The following WDR53 variants were observed in gnomAD, a reference collection of about 807,000 sequenced individuals.
WDR53 encodes the protein WD repeat-containing protein 53.
In WDR53, 19 loss-of-function variants were observed where a neutral mutation model predicts 21.3. The ratio of observed to expected loss-of-function variants is 0.89; its 90% CI spans 0.62 to 1.31. The LOEUF (loss-of-function observed/expected upper bound fraction) is 1.31. Ranked by LOEUF, WDR53 falls within the 50% of genes most tolerant of loss-of-function variation. The probability of loss-of-function intolerance (pLI) is 0.00; values close to 1 mark genes in which losing one functional copy is unlikely to be tolerated. For synonymous variants in WDR53, 157 were observed against 163.4 expected (o/e 0.96, Z 0.30); for missense variants, 374 against 423.2 (o/e 0.88, Z 1.02).
intron 2 of WDR53, 37 bp downstream of exon 2, chr3:196,566,840 A>G (rs1337507290): frequency 5.6e-6 from 1 of 177,558 alleles, no homozygotes; most frequent in African/African-American, 2.4e-5. Flanking sequence ...AAAGATTTGT[A>G]AAAAAGAAAA....
chr3:196,561,960 A>G (rs1468443012), intron 2 of WDR53, among the ~76,000 whole-genome samples: 1 of 152,236 alleles, frequency 6.6e-6, no homozygotes, highest in Non-Finnish European at 1.5e-5. Context: ...TCTTCTCTAT[A>G]AAATGAGGAT....
chr3:196,565,262 T>TAAA lies in WDR53; in HGVS notation c.-17+1612_-17+1614dup, dbSNP rs538382754. On this transcript the variant is annotated intron_variant, in intron 2 of 3. Coordinates refer to ENST00000332629, the MANE Select transcript of WDR53 (RefSeq NM_182627.3). The stretch of plus-strand genomic sequence containing the variant: ...AATAAATAACTGTTACTGGGAATGT[T>TAAA]AAAAAAAAAAAAAAGGCAGGGGCCA... Among the ~76,000 whole-genome samples the TAAA allele has an allele frequency of 4.8e-5, 7 of 144,330 alleles. No homozygotes were observed. The East Asian group carries it at 6.1e-4, about 13-fold the overall frequency. 94.7% of individuals were successfully genotyped at this position (144,330 alleles called of 152,430 possible).
At position 196,554,451 on chromosome 3, in the gene WDR53, C is replaced by G. The variant is rs760303088; in HGVS notation, c.837G>C (p.Lys279Asn). Residue 279 changes from lysine to asparagine, a missense_variant, in exon 4 of 4, where the codon AAG becomes AAC. Physicochemically the swap from Lys to Asn is moderately conservative, Grantham distance 94 (BLOSUM62 0). Coordinates refer to ENST00000332629, the MANE Select transcript of WDR53 (RefSeq NM_182627.3). Reference sequence around the variant, plus strand: ...TCCTGTGGGTACGTTTTGTGGGACTCTTCTGTTTTTTCTCAACTTCACTGT... The same window carrying G: ...TCCTGTGGGTACGTTTTGTGGGACTGTTCTGTTTTTTCTCAACTTCACTGT... ...DANSEVEKKQKSPTKRTHRKK... is the reference protein window; with the variant it reads ...DANSEVEKKQNSPTKRTHRKK... The G allele has an allele frequency of 1.9e-6, 3 of 1,614,028 alleles. No homozygotes were observed. Among genetic ancestry groups the G allele is most frequent in the Non-Finnish European group, 2.5e-6 (3 of 1,180,014 alleles).
At chr3:196,563,018 T>C (rs1386551416) in intron 2 of WDR53, among the ~76,000 whole-genome samples, 1 of 152,100 alleles carries the variant, frequency 6.6e-6, no homozygotes, top group Non-Finnish European at 1.5e-5. Context: ...TTATTAAATT[T>C]TTTTTTGCAA....
At position 196,554,604 on chromosome 3, in the gene WDR53, T is replaced by G. The variant is rs553441054; in HGVS notation, c.684A>C (p.Gly228=). Residue 228 remains glycine (G), a synonymous_variant, in exon 4 of 4, where the codon GGA becomes GGC. Transcript: ENST00000332629. ...ATCCCAGTTCCTGTTCACACTTAAC[T>G]CCCATCACCCGAAAGATTCGAACCT... ...DGKVRIFRVM[G]VKCEQELGFK... is the part of the protein sequence containing the mutation. 1 of 1,614,088 alleles carries G rather than the reference T, an allele frequency of 6.2e-7. No individual in the cohort carries two copies. The highest frequency in any genetic ancestry group is 1.1e-5 in the South Asian group (1 of 91,076).
intron 2 of WDR53, among the ~76,000 whole-genome samples, chr3:196,564,246 A>G (rs1478929159): frequency 1.3e-5 from 2 of 152,212 alleles, no homozygotes; most frequent in Non-Finnish European, 2.9e-5. Flanking sequence ...ATTTTAAACG[A>G]AAGGCACTGA....
At chr3:196,559,218 G>C (rs948822521) in intron 3 of WDR53, among the ~76,000 whole-genome samples, 1 of 152,202 alleles carries the variant, frequency 6.6e-6, no homozygotes, top group Non-Finnish European at 1.5e-5. Flanking sequence ...TGGTTGTATA[G>C]GTCTTTCTTT....
At chr3:196,560,115 T>C (rs1215034050) in intron 3 of WDR53, among the ~76,000 whole-genome samples, 1 of 152,212 alleles carries the variant, frequency 6.6e-6, no homozygotes, top group East Asian at 1.9e-4. Context: ...ACCAGCACAT[T>C]CCATTTTTTC....
At chr3:196,564,021 T>C (rs958383020) in intron 2 of WDR53, among the ~76,000 whole-genome samples, 1 of 152,134 alleles carries the variant, frequency 6.6e-6, no homozygotes, top group Non-Finnish European at 1.5e-5. Context: ...AATTAAACTT[T>C]TGTTTTCAAG....
Position 196,554,780 on chromosome 3 carries a change from G to A in WDR53, c.508C>T (p.Arg170Ter), listed in dbSNP as rs150731771. 1.1e-5 allele frequency: 18 copies of A among 1,613,760 alleles called. No homozygotes were observed. The highest frequency in any genetic ancestry group is 8.0e-5 in the African/African-American group (6 of 74,848). ...TGTAAATTTGTAATCCAGAGTGGTC[G>A]GGCTTTTTGAAGACTCCACAGCATC... ...QVMLWSLQKA[R>*]PLWITNLQED... Residue 170 changes from arginine to a stop codon, truncating the protein, a stop_gained, in exon 4 of 4, where the codon CGA (arginine) becomes TGA (stop). Transcript: ENST00000332629. LOFTEE classifies it high-confidence loss of function.
At chr3:196,567,868 A>G (rs571031582) in intron 1 of WDR53, among the ~76,000 whole-genome samples, 2 of 151,886 alleles carry the variant, frequency 1.3e-5, no homozygotes, top group African/African-American at 4.8e-5. Context: ...TCCCGGGCTC[A>G]GCCTCCCAAG....
At chr3:196,560,344 C>T (rs1734712259) in intron 3 of WDR53, among the ~76,000 whole-genome samples, 1 of 151,694 alleles carries the variant, frequency 6.6e-6, no homozygotes, top group Non-Finnish European at 1.5e-5. Flanking sequence ...CTGGGTCAAG[C>T]GATTCTGCTG....
At chr3:196,558,532 T>A (rs1421970756) in intron 3 of WDR53, among the ~76,000 whole-genome samples, 1 of 152,216 alleles carries the variant, frequency 6.6e-6, no homozygotes, top group African/African-American at 2.4e-5. Flanking sequence ...CCTGCCTAAT[T>A]ATTTAAACCT....
intron 2 of WDR53, among the ~76,000 whole-genome samples, chr3:196,566,093 TTG>T (rs1735364474): frequency 1.3e-5 from 2 of 152,270 alleles, no homozygotes; most frequent in South Asian, 2.1e-4. Context: ...GAGTTTTTTC[TTG>T]TGTTTTTTTT....
intron 2 of WDR53, among the ~76,000 whole-genome samples, chr3:196,564,259 G>C (rs1372097137): frequency 2.0e-5 from 3 of 152,108 alleles, no homozygotes; most frequent in African/African-American, 4.8e-5. Context: ...GGCACTGATA[G>C]TATTTAGGCT....
chr3:196,566,539 G>A (rs556818963), intron 2 of WDR53, among the ~76,000 whole-genome samples: 37 of 149,486 alleles, frequency 2.5e-4, no homozygotes, highest in African/African-American at 9.1e-4. Flanking sequence ...TCAGCCTCCT[G>A]AGTAGCTGGA....
At position 196,567,028 on chromosome 3, in the gene WDR53, T is replaced by C. The variant is rs775058803; in HGVS notation, c.-168A>G. The C allele has an allele frequency of 1.1e-5, 4 of 351,596 alleles. No homozygotes were observed. The highest frequency in any genetic ancestry group is 2.3e-5 in the Non-Finnish European group (4 of 175,112). 21.8% of individuals were successfully genotyped at this position (351,596 alleles called of 1,614,324 possible). ...ACGATAAAGGCCAGTCTTTAAAAAC[T>C]GAGTGATCTCTAAACACTCTGCACT... On this transcript the variant is annotated 5_prime_UTR_variant, in exon 2 of 4. Transcript: ENST00000332629.
At chr3:196,560,265 CAG>C (rs1314086519) in intron 3 of WDR53, among the ~76,000 whole-genome samples, 1 of 143,096 alleles carries the variant, frequency 7.0e-6, no homozygotes, top group Non-Finnish European at 1.5e-5. Flanking sequence ...TTTTTTGAGA[CAG>C]AGTCTCACTC....
At chr3:196,562,259 G>A (rs1490770292) in intron 2 of WDR53, among the ~76,000 whole-genome samples, 1 of 152,038 alleles carries the variant, frequency 6.6e-6, no homozygotes, top group Non-Finnish European at 1.5e-5. Flanking sequence ...TTTTGTTGTT[G>A]TTGTTTTGTT....
Sources: gnomAD v4.1 joint callset for allele counts (sites outside exome capture counted in the v4.1 genomes callset) on GRCh38, gnomAD v4.1.1 for gene constraint, MANE v1.5 for transcripts, NCBI Gene and HGNC (gene_info 2026-07-23, HGNC 2026-07-21) for gene names.